PSD3: variants seen among roughly 807,000 people sequenced by gnomAD.
PSD3 encodes PH and SEC7 domain-containing protein 3.
A neutral mutation model predicts 105.5 loss-of-function variants in PSD3; 49 were observed. The ratio of observed to expected loss-of-function variants is 0.46; its 90% CI spans 0.37 to 0.59. The LOEUF (loss-of-function observed/expected upper bound fraction) is 0.59. Among genes scored for constraint, PSD3 ranks in the 20% least tolerant of loss-of-function variants. The pLI, the probability that PSD3 is intolerant of heterozygous loss-of-function variation, is 0.00. For synonymous variants in PSD3, 557 were observed against 457.8 expected (o/e 1.22, Z -2.77); for missense variants, 1,561 against 1,263.8 (o/e 1.24, Z -3.57).
Position 18,544,425 on chromosome 8 carries a change from GT to G in PSD3, c.2929-8468del, listed in dbSNP as rs78051321. 8.6e-4 allele frequency among the ~76,000 whole-genome samples: 124 copies of G among 144,810 alleles called. 1 individual carries two copies. The highest frequency in any genetic ancestry group is 3.6e-3 in the Middle Eastern group (1 of 276). The stretch of plus-strand genomic sequence containing the variant: ...ACATTTTTAAAAAGAAAATGTTCAG[GT>G]TTTTTTTTTTTTCTTTTCCCTATGC... On this transcript the variant is annotated intron_variant, in intron 15 of 15. Transcript: ENST00000327040.
chr8:18,998,065 C>T (rs1178721646), intron 1 of PSD3, among the ~76,000 whole-genome samples: 1 of 151,736 alleles, frequency 6.6e-6, no homozygotes, highest in East Asian at 1.9e-4. Context: ...ATAATGCCTG[C>T]CTCATAGGAG....
In PSD3 at chr8:18,575,184, T is replaced by C. The variant is rs1157508799; in HGVS notation, c.2583A>G (p.Lys861=). 6 of 1,613,730 alleles carry C rather than the reference T, an allele frequency of 3.7e-6. No individual in the cohort carries two copies. In the African/African-American group the frequency reaches 5.3e-5, roughly 14 times the overall value. ...CAGTTTTAAGTTTAAACACGTTTGG[T>C]TTCTTCTCATAGTCCGTGGCCTTGG... ...LASKATDYEK[K]PNVFKLKTAD... The change falls in exon 13 of 16, where the codon AAA becomes AAG. Residue 861 remains lysine, a synonymous_variant. Transcript: ENST00000327040.
intron 1 of PSD3, among the ~76,000 whole-genome samples, chr8:18,951,851 G>A (rs545297175): frequency 6.6e-6 from 1 of 151,972 alleles, no homozygotes; most frequent in African/African-American, 2.4e-5. Flanking sequence ...CTGGTGTGGT[G>A]GTGGGTGCCT....
At chr8:18,587,765 G>C (rs1191665830) in intron 12 of PSD3, among the ~76,000 whole-genome samples, 4 of 152,168 alleles carry the variant, frequency 2.6e-5, no homozygotes, top group Admixed American at 2.6e-4. Flanking sequence ...TGTGAGCTCT[G>C]TGTAGGCAGG....
At chr8:18,599,809 G>T (rs1404204508) in intron 12 of PSD3, among the ~76,000 whole-genome samples, 2 of 152,104 alleles carry the variant, frequency 1.3e-5, no homozygotes. Context: ...TATTTAAGGG[G>T]CGTCCTGGAG....
Position 18,584,441 on chromosome 8 carries a change from T to C in PSD3, c.2482-9156A>G, listed in dbSNP as rs112421565. On this transcript the variant is annotated intron_variant, in intron 12 of 15. Coordinates refer to ENST00000327040, the MANE Select transcript of PSD3 (RefSeq NM_015310.4). ...TAAGAAGACACTAATGGGAAAAATATTAGCTTGGCTAGTACCATCTTTACA... is the reference window on the plus strand; with the variant it reads ...TAAGAAGACACTAATGGGAAAAATACTAGCTTGGCTAGTACCATCTTTACA... Among the ~76,000 whole-genome samples the C allele has an allele frequency of 5.9e-3, 902 of 152,350 alleles. 7 individuals are homozygous for C. Among genetic ancestry groups the C allele is most frequent in the African/African-American group, 0.021 (870 of 41,584 alleles).
intron 1 of PSD3, among the ~76,000 whole-genome samples, chr8:19,044,066 C>A (rs1828229523): frequency 6.6e-6 from 1 of 152,172 alleles, no homozygotes; most frequent in Non-Finnish European, 1.5e-5. Context: ...CTCAGAGCCA[C>A]CCACCTCAAC....
At chr8:18,648,409 C>G (rs1240731550) in intron 10 of PSD3, among the ~76,000 whole-genome samples, 1 of 152,156 alleles carries the variant, frequency 6.6e-6, no homozygotes, top group Non-Finnish European at 1.5e-5. Context: ...TGCCCCTGCC[C>G]TAGGGATCTG....
At chr8:18,963,973 G>A (rs540269034) in intron 1 of PSD3, among the ~76,000 whole-genome samples, 83 of 152,226 alleles carry the variant, frequency 5.5e-4, no homozygotes, top group African/African-American at 1.8e-3. Flanking sequence ...CTTTCTTCAC[G>A]AAGAGAAGAA....
intron 11 of PSD3, among the ~76,000 whole-genome samples, chr8:18,602,214 G>A (rs1490277561): frequency 2.6e-5 from 4 of 152,124 alleles, no homozygotes; most frequent in South Asian, 2.1e-4. Flanking sequence ...ACACATCTAC[G>A]TTTCTACTTT....
intron 9 of PSD3, chr8:18,733,504 C>T (rs1803922813): frequency 6.5e-6 from 1 of 152,672 alleles, no homozygotes; most frequent in Non-Finnish European, 1.5e-5. Flanking sequence ...CATGCATGAC[C>T]TTTGCCAAAA....
chr8:18,633,278 C>T (rs1163388734), intron 10 of PSD3, among the ~76,000 whole-genome samples: 1 of 151,998 alleles, frequency 6.6e-6, no homozygotes, highest in African/African-American at 2.4e-5. Flanking sequence ...AGAGTCAGTC[C>T]AATGGACAAT....
At chr8:18,671,668 T>C (rs1799790779) in intron 9 of PSD3, among the ~76,000 whole-genome samples, 2 of 152,112 alleles carry the variant, frequency 1.3e-5, no homozygotes, top group Admixed American at 6.5e-5. Context: ...AGTCTCGCTT[T>C]GTCGCCCAGG....
intron 12 of PSD3, among the ~76,000 whole-genome samples, chr8:18,595,232 A>AC (rs1804000877): frequency 6.6e-6 from 1 of 151,498 alleles, no homozygotes; most frequent in Non-Finnish European, 1.5e-5. Flanking sequence ...CAAACAAAAA[A>AC]AACCCTAAAA....
intron 12 of PSD3, among the ~76,000 whole-genome samples, chr8:18,593,215 A>G (rs919636099): frequency 7.9e-5 from 12 of 152,338 alleles, no homozygotes; most frequent in African/African-American, 1.7e-4. Flanking sequence ...AATTTTTCCA[A>G]TCTACTCATC....
chr8:18,599,766 T>A (rs1804298239), intron 12 of PSD3, among the ~76,000 whole-genome samples: 1 of 152,176 alleles, frequency 6.6e-6, no homozygotes. Context: ...TCAACAGGGC[T>A]GACTGCAGGA....
chr8:18,586,200 T>C (rs969443010), intron 12 of PSD3, among the ~76,000 whole-genome samples: 1 of 152,146 alleles, frequency 6.6e-6, no homozygotes, highest in Non-Finnish European at 1.5e-5. Context: ...CAAAAACCTT[T>C]GCAACAAGCC....
At chr8:18,909,044 T>C (rs1293806311) in intron 2 of PSD3, among the ~76,000 whole-genome samples, 4 of 152,310 alleles carry the variant, frequency 2.6e-5, no homozygotes, top group Middle Eastern at 3.4e-3. Flanking sequence ...AAGTTTACTA[T>C]GACAAAGTTC....
chr8:18,764,560 C>G (rs942523821), intron 9 of PSD3, among the ~76,000 whole-genome samples: 1 of 152,030 alleles, frequency 6.6e-6, no homozygotes, highest in African/African-American at 2.4e-5. Flanking sequence ...ATAAGTCTTT[C>G]CAAATCTGGC....
Sources: gnomAD v4.1 joint callset for allele counts (sites outside exome capture counted in the v4.1 genomes callset) on GRCh38, gnomAD v4.1.1 for gene constraint, MANE v1.5 for transcripts, NCBI Gene and HGNC (gene_info 2026-07-23, HGNC 2026-07-21) for gene names.